Variants in ASAP1 observed in about 807,000 individuals in gnomAD.
ASAP1 encodes ArfGAP with SH3 domain, ankyrin repeat and PH domain 1, also known as arf-GAP with SH3 domain, ANK repeat and PH domain-containing protein 1.
Under a neutral mutation model 145.2 loss-of-function variants are expected in ASAP1, and 43 were observed. The ratio of observed to expected loss-of-function variants is 0.30; its 90% CI spans 0.23 to 0.38. The LOEUF is 0.38. Ranked by LOEUF, ASAP1 falls within the 10% of genes least tolerant of loss-of-function variation. The pLI is 1.00. For synonymous variants in ASAP1, 546 were observed against 515.5 expected (o/e 1.06, Z -0.80); for missense variants, 1,018 against 1,355.3 (o/e 0.75, Z 3.91).
intron 26 of ASAP1, among the ~76,000 whole-genome samples, chr8:130,077,970 T>C (rs1225814405): frequency 6.6e-6 from 1 of 151,394 alleles, no homozygotes; most frequent in African/African-American, 2.4e-5. Flanking sequence ...TAGTTCACAA[T>C]CAGCTTGATT....
At chr8:130,268,772 A>G (rs994842651) in intron 3 of ASAP1, among the ~76,000 whole-genome samples, 3 of 152,208 alleles carry the variant, frequency 2.0e-5, no homozygotes, top group African/African-American at 7.2e-5. Flanking sequence ...GGAGGCATTC[A>G]GGCTCCTTGA....
intron 3 of ASAP1, among the ~76,000 whole-genome samples, chr8:130,238,121 G>A (rs1818320476): frequency 6.6e-6 from 1 of 152,020 alleles, no homozygotes; most frequent in Non-Finnish European, 1.5e-5. Flanking sequence ...TTCCCCTTAT[G>A]GAAAATGGTC....
At chr8:130,332,412 A>G (rs1193041826) in intron 3 of ASAP1, among the ~76,000 whole-genome samples, 1 of 152,208 alleles carries the variant, frequency 6.6e-6, no homozygotes, top group East Asian at 1.9e-4. Context: ...AACCATTTTT[A>G]TGATCATTTC....
At chr8:130,106,228 C>A (rs1190893848) in intron 24 of ASAP1, among the ~76,000 whole-genome samples, 1 of 152,160 alleles carries the variant, frequency 6.6e-6, no homozygotes, top group Non-Finnish European at 1.5e-5. Flanking sequence ...AAACACGAAT[C>A]AAGGGTGACA....
intron 1 of ASAP1, among the ~76,000 whole-genome samples, chr8:130,442,472 G>T (rs1365823746): frequency 6.6e-6 from 1 of 152,160 alleles, no homozygotes; most frequent in African/African-American, 2.4e-5. Flanking sequence ...AAGGCTTTGG[G>T]ATGAAGGTTG....
At chr8:130,306,731 C>T (rs1441415153) in intron 3 of ASAP1, among the ~76,000 whole-genome samples, 1 of 152,142 alleles carries the variant, frequency 6.6e-6, no homozygotes, top group Non-Finnish European at 1.5e-5. Flanking sequence ...AAGTAAATAC[C>T]AATGGACCAC....
At chr8:130,128,426 G>A (rs191858864) in intron 15 of ASAP1, among the ~76,000 whole-genome samples, 11 of 152,230 alleles carry the variant, frequency 7.2e-5, no homozygotes, top group African/African-American at 2.6e-4. Flanking sequence ...TAAAGGGAAT[G>A]TTGGAATGGA....
At chr8:130,258,480 A>G (rs1819700642) in intron 3 of ASAP1, among the ~76,000 whole-genome samples, 1 of 152,158 alleles carries the variant, frequency 6.6e-6, no homozygotes, top group Admixed American at 6.5e-5. Flanking sequence ...TAAAACACTG[A>G]GTGTATCCTT....
chr8:130,169,128 T>A, intron 9 of ASAP1, 61 bp from the exon 10 acceptor site: 1 of 1,060,850 alleles, frequency 9.4e-7, no homozygotes, highest in Non-Finnish European at 1.4e-6. Context: ...ATTTGTTTCC[T>A]TATGTGGAAA....
chr8:130,281,868 C>T (rs1239081761), intron 3 of ASAP1, among the ~76,000 whole-genome samples: 1 of 152,032 alleles, frequency 6.6e-6, no homozygotes, highest in Non-Finnish European at 1.5e-5. Context: ...AGTTCGAGAC[C>T]CACCTGGCCA....
rs569147562 is a variant in ASAP1 at position 130,198,111 on chromosome 8, T to G, written c.406-9928A>C. On this transcript the variant is annotated intron_variant, in intron 5 of 29. Coordinates refer to ENST00000518721, the MANE Select transcript of ASAP1 (RefSeq NM_018482.4). ...ACTACATAATACCCCTTAATCAAAT[T>G]TAACTAGGTTTATTTTCATAAGATT... Among the ~76,000 whole-genome samples the G allele has an allele frequency of 5.3e-5, 8 of 152,100 alleles. No homozygotes were observed. In the South Asian group the frequency reaches 1.7e-3, roughly 32 times the overall value.
At position 130,079,898 on chromosome 8, in the gene ASAP1, T is replaced by G; in HGVS notation, c.2642+4A>C. On this transcript the variant is annotated splice_donor_region_variant and intron_variant, in intron 26 of 29. Transcript: ENST00000518721. Reference sequence around the variant, plus strand: ...AGGGGAAATGAAGCGCTGAGATGGCTTACCTCGACTGCTGGGATAGTCCCT... The same window carrying G: ...AGGGGAAATGAAGCGCTGAGATGGCGTACCTCGACTGCTGGGATAGTCCCT... The G allele has an allele frequency of 6.2e-7, 1 of 1,613,854 alleles. No homozygotes were observed. The highest frequency in any genetic ancestry group is 1.1e-5 in the South Asian group (1 of 91,080).
chr8:130,354,353 TG>T (rs1565238679), intron 3 of ASAP1, among the ~76,000 whole-genome samples: 11 of 152,184 alleles, frequency 7.2e-5, no homozygotes, highest in Non-Finnish European at 1.6e-4. Flanking sequence ...ATTCATGCCA[TG>T]TGTCGACAGC....
intron 3 of ASAP1, among the ~76,000 whole-genome samples, chr8:130,355,301 T>A (rs1274940535): frequency 6.6e-6 from 1 of 152,208 alleles, no homozygotes; most frequent in Non-Finnish European, 1.5e-5. Flanking sequence ...AGAAAGAGTA[T>A]GGATTAATTT....
intron 3 of ASAP1, 144 bp from the exon 4 acceptor site, chr8:130,237,138 C>A: frequency 1.6e-6 from 1 of 612,590 alleles, no homozygotes; most frequent in Non-Finnish European, 2.7e-6. Context: ...TGAATCATAT[C>A]AGACTGGAAG....
rs183498436 is a variant in ASAP1, at chr8:130,165,432, C to T, written c.909+2104G>A. Among the ~76,000 whole-genome samples the T allele has an allele frequency of 3.7e-3, 570 of 152,312 alleles. 5 individuals carry two copies. Among genetic ancestry groups the T allele is most frequent in the African/African-American group, 0.013 (555 of 41,560 alleles). ...CCCTTCTACCTGGGTCTTTTTAATG[C>T]TCTTACACTGAGAAATCATTCAAAG... is the stretch of plus-strand genomic sequence containing the variant. On this transcript the variant is annotated intron_variant, in intron 11 of 29. Transcript: ENST00000518721.
At chr8:130,344,295 C>T (rs1825568461) in intron 3 of ASAP1, among the ~76,000 whole-genome samples, 1 of 151,762 alleles carries the variant, frequency 6.6e-6, no homozygotes, top group Non-Finnish European at 1.5e-5. Context: ...AAAGAGACAA[C>T]CAGGGAAATT....
intron 5 of ASAP1, among the ~76,000 whole-genome samples, chr8:130,200,048 T>A (rs572915592): frequency 6.6e-6 from 1 of 152,226 alleles, no homozygotes; most frequent in Non-Finnish European, 1.5e-5. Flanking sequence ...GCACCAACTA[T>A]GACCTACCAG....
At chr8:130,227,705 T>C (rs1817667852) in intron 4 of ASAP1, among the ~76,000 whole-genome samples, 1 of 151,002 alleles carries the variant, frequency 6.6e-6, no homozygotes, top group Non-Finnish European at 1.5e-5. Context: ...AGATAACATA[T>C]TGTTTATATA....
Sources: gnomAD v4.1 joint callset for allele counts (sites outside exome capture counted in the v4.1 genomes callset) on GRCh38, gnomAD v4.1.1 for gene constraint, MANE v1.5 for transcripts, NCBI Gene and HGNC (gene_info 2026-07-23, HGNC 2026-07-21) for gene names.